Variants in FAM178B observed in about 807,000 individuals in gnomAD.
The protein encoded by FAM178B is protein FAM178B.
Under a neutral mutation model 91.7 loss-of-function variants are expected in FAM178B, and 82 were observed. That is an observed-to-expected ratio of 0.89 (90% CI 0.75 to 1.07). The LOEUF (loss-of-function observed/expected upper bound fraction) is 1.07. FAM178B is among the 50% of genes least tolerant of loss of function. The pLI is 0.00. For synonymous variants in FAM178B, 368 were observed against 359.4 expected, an observed-to-expected ratio of 1.02 and a Z score of -0.27; for missense variants, 769 against 846.7, an observed-to-expected ratio of 0.91 and a Z score of 1.14.
chr2:96,946,804 C>T (rs1327306810), intron 8 of FAM178B, among the ~76,000 whole-genome samples: 2 of 152,228 alleles, frequency 1.3e-5, no homozygotes, highest in African/African-American at 4.8e-5. Context: ...GCTACAGGGG[C>T]AGAGGTTACG....
intron 9 of FAM178B, among the ~76,000 whole-genome samples, chr2:96,926,495 G>A (rs1032799836): frequency 1.3e-5 from 2 of 152,186 alleles, no homozygotes; most frequent in African/African-American, 4.8e-5. Flanking sequence ...TGGGGGAGAT[G>A]GGGGCACCTG....
At chr2:96,901,186 T>C (rs2080923640) in intron 13 of FAM178B, among the ~76,000 whole-genome samples, 2 of 150,952 alleles carry the variant, frequency 1.3e-5, no homozygotes, top group South Asian at 4.2e-4. Flanking sequence ...CTTTTTTTTT[T>C]TTTTTTTTTA....
At chr2:96,958,813 G>A (rs990392398) in intron 6 of FAM178B, among the ~76,000 whole-genome samples, 8 of 142,508 alleles carry the variant, frequency 5.6e-5, no homozygotes, top group Middle Eastern at 3.9e-3. Context: ...TAGTAATATC[G>A]AAGTTATGTC....
intron 5 of FAM178B, among the ~76,000 whole-genome samples, chr2:96,962,317 C>T (rs796974128): frequency 6.6e-6 from 1 of 150,930 alleles, no homozygotes; most frequent in African/African-American, 2.4e-5. Flanking sequence ...GAAGAAAATA[C>T]AAAAGGGAGG....
At chr2:96,930,596 C>G (rs2081524313) in intron 8 of FAM178B, among the ~76,000 whole-genome samples, 2 of 152,184 alleles carry the variant, frequency 1.3e-5, no homozygotes, top group Non-Finnish European at 2.9e-5. Flanking sequence ...TCTACAGGCC[C>G]CATGCCTAAA....
At position 96,934,972 on chromosome 2, in the gene FAM178B, G is replaced by C. The variant is rs139351741; in HGVS notation, c.1079-5652C>G. On this transcript the variant is annotated intron_variant, in intron 8 of 16. Transcript: ENST00000490605. ...TCACAGAAATGTGTACAGGGCAGGTGATGCCATCCCCAGGGCACCTCTCCT... is the reference window on the plus strand; with the variant it reads ...TCACAGAAATGTGTACAGGGCAGGTCATGCCATCCCCAGGGCACCTCTCCT... Among the ~76,000 whole-genome samples the C allele has an allele frequency of 5.8e-3, 883 of 152,276 alleles. 4 individuals carry two copies. Among genetic ancestry groups the C allele is most frequent in the Admixed American group, 9.0e-3 (138 of 15,284 alleles).
intron 6 of FAM178B, among the ~76,000 whole-genome samples, chr2:96,958,554 G>A (rs1410911983): frequency 2.6e-5 from 4 of 151,632 alleles, no homozygotes; most frequent in Admixed American, 6.6e-5. Context: ...ACCTAGAGCG[G>A]TGGCACACAC....
chr2:96,934,778 G>A (rs1323732232), intron 8 of FAM178B, among the ~76,000 whole-genome samples: 1 of 152,000 alleles, frequency 6.6e-6, no homozygotes, highest in African/African-American at 2.4e-5. Context: ...CCTTCTTTTT[G>A]TTTCTTCTCT....
At chr2:96,878,650 C>A (rs765510933) in intron 14 of FAM178B, among the ~76,000 whole-genome samples, 157 bp from the exon 15 acceptor site, 2 of 152,212 alleles carry the variant, frequency 1.3e-5, no homozygotes, top group Non-Finnish European at 2.9e-5. Flanking sequence ...GAGGCATCTT[C>A]AAGGGGACCT....
At chr2:96,931,251 A>G (rs1458289324) in intron 8 of FAM178B, among the ~76,000 whole-genome samples, 1 of 152,190 alleles carries the variant, frequency 6.6e-6, no homozygotes, top group Admixed American at 6.5e-5. Flanking sequence ...GACCCACTTC[A>G]GCACACTCCA....
chr2:96,903,886 T>G (rs956703952), intron 12 of FAM178B, among the ~76,000 whole-genome samples: 1 of 152,138 alleles, frequency 6.6e-6, no homozygotes, highest in Non-Finnish European at 1.5e-5. Flanking sequence ...TAGATTTTCT[T>G]AGGAAAGAGT....
At chr2:96,893,904 C>T (rs540801170) in intron 14 of FAM178B, 22 bp downstream of exon 14, 119 of 1,605,520 alleles carry the variant, frequency 7.4e-5, no homozygotes, top group South Asian at 1.9e-4. Flanking sequence ...TGGAGGCAGG[C>T]GGGTGCTGGG....
At chr2:96,878,233 C>T (rs115054463) in intron 15 of FAM178B, among the ~76,000 whole-genome samples, 183 bp downstream of exon 15, 4,931 of 152,300 alleles carry the variant, frequency 0.032, 192 homozygotes, top group African/African-American at 0.092. Flanking sequence ...GGGAATGGCT[C>T]AGCTGGTGGG....
intron 16 of FAM178B, 54 bp from the exon 17 acceptor site, chr2:96,876,362 T>C (rs1375309497): frequency 3.8e-6 from 6 of 1,565,342 alleles, no homozygotes; most frequent in African/African-American, 2.7e-5. Context: ...TGCTGCCCAC[T>C]GCCCTGCAGC....
chr2:96,950,774 G>A (rs577134655), intron 7 of FAM178B, among the ~76,000 whole-genome samples: 1 of 152,308 alleles, frequency 6.6e-6, no homozygotes, highest in African/African-American at 2.4e-5. Context: ...GCAACCAGGA[G>A]GGAAAAAACA....
intron 8 of FAM178B, among the ~76,000 whole-genome samples, chr2:96,930,423 C>T (rs1436964143): frequency 1.3e-5 from 2 of 152,122 alleles, no homozygotes; most frequent in Non-Finnish European, 1.5e-5. Flanking sequence ...GTGTTCTCTG[C>T]ACCGTGAGCT....
At chr2:96,978,778 C>T (rs1296389993) in intron 1 of FAM178B, among the ~76,000 whole-genome samples, 4 of 151,836 alleles carry the variant, frequency 2.6e-5, no homozygotes, top group Non-Finnish European at 4.4e-5. Context: ...GCGCCCGCCA[C>T]CACGCCCGGC....
intron 2 of FAM178B, 75 bp from the exon 3 acceptor site, chr2:96,972,397 G>T (rs766975086): frequency 1.4e-6 from 2 of 1,480,344 alleles, no homozygotes; most frequent in Non-Finnish European, 1.8e-6. Context: ...CACTGGGTAA[G>T]GAGAGCAGCA....
chr2:96,919,979 C>G (rs1162675545), intron 12 of FAM178B, among the ~76,000 whole-genome samples: 2 of 152,164 alleles, frequency 1.3e-5, no homozygotes, highest in African/African-American at 4.8e-5. Flanking sequence ...AAGCCGGCTC[C>G]CAGAGACCAC....
Sources: allele counts gnomAD v4.1 joint callset (sites outside exome capture counted in the v4.1 genomes callset), GRCh38; gene constraint gnomAD v4.1.1; transcripts MANE v1.5; gene names NCBI Gene and HGNC (gene_info 2026-07-23, HGNC 2026-07-21).